Variants in ZNF644 observed in about 807,000 individuals in gnomAD.
ZNF644 encodes the protein zinc finger motif enhancer binding protein 2.
A neutral mutation model predicts 108.0 loss-of-function variants in ZNF644; 20 were observed. The ratio of observed to expected loss-of-function variants is 0.19; its 90% CI spans 0.13 to 0.27. The LOEUF (loss-of-function observed/expected upper bound fraction) is 0.27. ZNF644 is among the 10% of genes least tolerant of loss of function. ZNF644 has a pLI of 1.00. For missense variants in ZNF644, 1,338 were observed against 1,548.9 expected (o/e 0.86, Z 2.29); for synonymous variants, 542 against 539.1 (o/e 1.01, Z -0.08).
At chr1:90,967,026 C>A (rs1322589965) in intron 2 of ZNF644, among the ~76,000 whole-genome samples, 1 of 152,204 alleles carries the variant, frequency 6.6e-6, no homozygotes, top group Non-Finnish European at 1.5e-5. Flanking sequence ...CATCTTTCCA[C>A]TTCTCTGTAA....
At chr1:90,945,530 A>T (rs1255132717) in intron 2 of ZNF644, among the ~76,000 whole-genome samples, 1 of 152,096 alleles carries the variant, frequency 6.6e-6, no homozygotes, top group Non-Finnish European at 1.5e-5. Context: ...CAGAAATCTC[A>T]AACATCAGTA....
In ZNF644 at chr1:90,937,883, T is replaced by C. The variant is rs143530344; in HGVS notation, c.3290A>G (p.Asn1097Ser). 1.5e-4 allele frequency: 246 copies of C among 1,613,898 alleles called. No homozygotes were observed. The African/African-American group carries it at 2.8e-3, about 18-fold the overall frequency. ...TGGTCTGGGAATAATACGACGACTG[T>C]TCAATGCCTTTAAGATTTTTTCATA... ...EKYEKILKALNSRRIIPRPFV... is the reference protein window; with the variant it reads ...EKYEKILKALSSRRIIPRPFV... The change falls in exon 4 of 6, where the codon AAC becomes AGC. Residue 1097 changes from asparagine to serine, a missense_variant. This residue lies in a region of ZNF644 where 287 missense variants were observed against 310.9 expected (regional missense o/e 0.92). Coordinates refer to ENST00000337393, the MANE Select transcript of ZNF644 (RefSeq NM_201269.3).
chr1:90,938,179 A>T lies in ZNF644; in HGVS notation c.3083-89T>A. 1 of 1,605,790 alleles carries T rather than the reference A, an allele frequency of 6.2e-7. No individual in the cohort carries two copies. The highest frequency in any genetic ancestry group is 8.5e-7 in the Non-Finnish European group (1 of 1,174,058). ...GTTAATTCTGAAACATAAAATTATG[A>T]TTCTAATAAAGACTAAATTCAAAAA... On this transcript the variant is annotated intron_variant, in intron 3 of 5. Coordinates refer to ENST00000337393, the MANE Select transcript of ZNF644 (RefSeq NM_201269.3). The surrounding 1 kb of genome is among the most constrained non-coding windows in gnomAD (Gnocchi z 4.2).
chr1:91,017,941 A>G (rs1660574374), intron 1 of ZNF644, among the ~76,000 whole-genome samples: 1 of 152,202 alleles, frequency 6.6e-6, no homozygotes, highest in South Asian at 2.1e-4. Context: ...GCGCCTGGGA[A>G]ACAGACCGAG....
At chr1:90,997,055 G>A (rs1570538703) in intron 1 of ZNF644, among the ~76,000 whole-genome samples, 1 of 152,210 alleles carries the variant, frequency 6.6e-6, no homozygotes, top group South Asian at 2.1e-4. Flanking sequence ...CTGAGGGAGA[G>A]AAGAACAGCT....
chr1:91,018,573 C>T, intron 1 of ZNF644, among the ~76,000 whole-genome samples: 1 of 152,180 alleles, frequency 6.6e-6, no homozygotes, highest in East Asian at 1.9e-4. Flanking sequence ...TCTATAAAAT[C>T]AGGGTTAGAT....
Position 90,941,063 on chromosome 1 carries a change from A to C in ZNF644, c.291T>G (p.His97Gln). The C allele has an allele frequency of 6.2e-7, 1 of 1,614,162 alleles. No individual in the cohort carries two copies. The highest frequency in any genetic ancestry group is 2.2e-5 in the East Asian group (1 of 44,884). ...LSGGQSSLFI[H>Q]AGAPTVSSEN... ...CACTAGAAACAGTAGGAGCACCAGC[A>C]TGTATAAATAGACTAGACTGGCCTC... The change falls in exon 3 of 6, where the codon CAT (histidine) becomes CAG (glutamine). Residue 97 changes from histidine to glutamine, a missense_variant. By Grantham distance (24) the His-to-Gln change is conservative. Coordinates refer to ENST00000337393, the MANE Select transcript of ZNF644 (RefSeq NM_201269.3).
At chr1:90,973,247 T>C (rs1398365863) in intron 2 of ZNF644, 1 of 152,082 alleles carries the variant, frequency 6.6e-6, no homozygotes, top group Admixed American at 6.6e-5. Context: ...GAGAGTATAA[T>C]ACATAAATGG....
rs143503842 is a variant in ZNF644, at chr1:90,960,953, C to A, written c.45-19644G>T. On this transcript the variant is annotated intron_variant, in intron 2 of 5. Transcript: ENST00000337393. The stretch of plus-strand genomic sequence containing the variant: ...ATCATCCAAAAGTGAGGGTGAAATA[C>A]AGAACATGACCAGACAACAAAAATG... 9.6e-4 allele frequency among the ~76,000 whole-genome samples: 146 copies of A among 152,132 alleles called. 2 individuals are homozygous for A. The highest frequency in any genetic ancestry group is 6.8e-3 in the Middle Eastern group (2 of 294).
intron 1 of ZNF644, among the ~76,000 whole-genome samples, chr1:90,995,947 A>C (rs1164212369): frequency 6.6e-6 from 1 of 152,220 alleles, no homozygotes; most frequent in African/African-American, 2.4e-5. Flanking sequence ...CAGAACTGTG[A>C]GAAATAAATT....
At chr1:90,932,769 G>T (rs1650884577) in intron 4 of ZNF644, among the ~76,000 whole-genome samples, 1 of 151,964 alleles carries the variant, frequency 6.6e-6, no homozygotes, top group Non-Finnish European at 1.5e-5. Context: ...TGATCAAGAA[G>T]ATTTTTTTTA....
intron 2 of ZNF644, among the ~76,000 whole-genome samples, chr1:90,966,206 C>T (rs982196238): frequency 1.3e-5 from 2 of 152,176 alleles, no homozygotes; most frequent in East Asian, 1.9e-4. Context: ...CTTAGTTCTT[C>T]GTAGACCATC....
chr1:91,020,872 G>A (rs1344730076), intron 1 of ZNF644: 1 of 152,184 alleles, frequency 6.6e-6, no homozygotes, highest in Non-Finnish European at 1.5e-5. Flanking sequence ...TTATTAACAA[G>A]ACAAGACCAT....
chr1:90,941,329 A>G lies in ZNF644; in HGVS notation c.45-20T>C. 6.3e-7 allele frequency: 1 copy of G among 1,591,742 alleles called. No homozygotes were observed. The highest frequency in any genetic ancestry group is 8.5e-7 in the Non-Finnish European group (1 of 1,174,646). On this transcript the variant is annotated intron_variant, in intron 2 of 5. Transcript: ENST00000337393. The stretch of plus-strand genomic sequence containing the variant: ...TTTAGTCTAGAAAATGGAAAAAAAA[A>G]ATTTAGATTTGCATGAAAGAAAAAA...
At chr1:91,000,130 A>C (rs757806587) in intron 1 of ZNF644, among the ~76,000 whole-genome samples, 1 of 152,130 alleles carries the variant, frequency 6.6e-6, no homozygotes, top group Admixed American at 6.6e-5. Flanking sequence ...ACAGATCAAC[A>C]AGACAGAAAG....
chr1:91,016,688 C>A (rs1186041901), intron 1 of ZNF644, among the ~76,000 whole-genome samples: 2 of 152,072 alleles, frequency 1.3e-5, no homozygotes, highest in Non-Finnish European at 2.9e-5. Context: ...TTAATCTTTT[C>A]AAAAAATTAG....
rs1402276333 is a variant in ZNF644, at chr1:90,916,316, G to A, written c.*482C>T. On this transcript the variant is annotated 3_prime_UTR_variant, in exon 6 of 6. Coordinates refer to ENST00000337393, the MANE Select transcript of ZNF644 (RefSeq NM_201269.3). ...TGAGTGAACAGTCTCAAACTATGAA[G>A]TACATGATATTTAATGCCCTAATTT... is the stretch of plus-strand genomic sequence containing the variant. 5.8e-6 allele frequency: 1 copy of A among 172,592 alleles called. No individual in the cohort carries two copies. Among genetic ancestry groups the A allele is most frequent in the Non-Finnish European group, 1.2e-5 (1 of 80,202 alleles). The allele number at this position is 172,592 out of a possible 1,614,324, so 10.7% of individuals were successfully genotyped here.
intron 1 of ZNF644, among the ~76,000 whole-genome samples, chr1:91,003,133 A>G (rs1157241761): frequency 6.6e-6 from 1 of 152,204 alleles, no homozygotes; most frequent in Non-Finnish European, 1.5e-5. Flanking sequence ...TGATTCCTCA[A>G]GGATCTAGAA....
chr1:90,961,146 A>G (rs1654299152), intron 2 of ZNF644, among the ~76,000 whole-genome samples: 1 of 152,190 alleles, frequency 6.6e-6, no homozygotes, highest in Non-Finnish European at 1.5e-5. Context: ...ATGACGTTTC[A>G]TGGTGGCTAA....
Sources: allele counts gnomAD v4.1 joint callset (sites outside exome capture counted in the v4.1 genomes callset), GRCh38; gene constraint gnomAD v4.1.1; regional missense constraint gnomAD v4.1.1; non-coding constraint Gnocchi (gnomAD v3.1); transcripts MANE v1.5; gene names NCBI Gene and HGNC (gene_info 2026-07-23, HGNC 2026-07-21).